Variants in HIVEP2 observed in about 807,000 individuals in gnomAD.
The protein encoded by HIVEP2 is transcription factor HIVEP2.
In HIVEP2, 14 loss-of-function variants were observed where a neutral mutation model predicts 180.7. The observed-to-expected ratio is 0.08, with a 90% confidence interval of 0.05 to 0.12. HIVEP2 has a LOEUF of 0.12. Ranked by LOEUF, HIVEP2 falls within the 10% of genes least tolerant of loss-of-function variation. The pLI, the probability that HIVEP2 is intolerant of heterozygous loss-of-function variation, is 1.00. For missense variants in HIVEP2, 2,579 were observed against 3,008.5 expected (o/e 0.86, Z 3.34); for synonymous variants, 1,184 against 1,136.4 (o/e 1.04, Z -0.84).
At chr6:142,801,272 A>G (rs931982810) in intron 2 of HIVEP2, among the ~76,000 whole-genome samples, 1 of 151,526 alleles carries the variant, frequency 6.6e-6, no homozygotes, top group Non-Finnish European at 1.5e-5. Context: ...AAAGAACACT[A>G]GATTAAGGCA....
intron 1 of HIVEP2, among the ~76,000 whole-genome samples, chr6:142,932,419 G>C (rs141616250): frequency 3.2e-4 from 48 of 152,212 alleles, no homozygotes; most frequent in African/African-American, 1.1e-3. Context: ...TTGGTAAGAG[G>C]CTGTCTTCTG....
At chr6:142,844,342 G>T (rs62430706) in intron 1 of HIVEP2, among the ~76,000 whole-genome samples, 33,200 of 151,822 alleles carry the variant, frequency 0.22, 4,428 homozygotes, top group Non-Finnish European at 0.31. Flanking sequence ...ATACTTGCAA[G>T]CTGCAAGAAG....
In HIVEP2 at chr6:142,805,569, G is replaced by GA. The variant is rs67351587; in HGVS notation, c.-527-21955dup. ...TTTCCAAGTAGGGCAGAGTTTTACAGAAAAAAAAAAAAATCTACTTTTCTT... is the reference window on the plus strand; with the variant it reads ...TTTCCAAGTAGGGCAGAGTTTTACAGAAAAAAAAAAAAAATCTACTTTTCTT... On this transcript the variant is annotated intron_variant, in intron 2 of 9. Transcript: ENST00000367603. Among the ~76,000 whole-genome samples, 217 of 147,088 alleles carry GA rather than the reference G, an allele frequency of 1.5e-3. 1 individual carries two copies. Among genetic ancestry groups the GA allele is most frequent in the African/African-American group, 4.4e-3 (176 of 39,580 alleles).
At position 142,943,049 on chromosome 6, in the gene HIVEP2, C is replaced by A. The variant is rs753476982; in HGVS notation, c.-641+2050G>T. Among the ~76,000 whole-genome samples the A allele has an allele frequency of 6.1e-4, 93 of 152,102 alleles. No individual in the cohort carries two copies. Among genetic ancestry groups the A allele is most frequent in the Non-Finnish European group, 1.2e-3 (79 of 68,004 alleles). On this transcript the variant is annotated intron_variant, in intron 1 of 9. Transcript: ENST00000367603. The surrounding 1 kb of genome is among the most constrained non-coding windows in gnomAD (Gnocchi z 4.5). ...TATCATTAAGTAAATACTGGTAAATCCCTTTCAGCTCACAATGCAAATGTA... is the reference window on the plus strand; with the variant it reads ...TATCATTAAGTAAATACTGGTAAATACCTTTCAGCTCACAATGCAAATGTA...
chr6:142,869,393 T>C (rs1267921152), intron 1 of HIVEP2, among the ~76,000 whole-genome samples: 1 of 152,182 alleles, frequency 6.6e-6, no homozygotes, highest in South Asian at 2.1e-4. Flanking sequence ...ATATATAGTA[T>C]CAACTATGTA....
In HIVEP2 at chr6:142,774,977, C is replaced by A; in HGVS notation, c.-239G>T. The A allele has an allele frequency of 7.8e-7, 1 of 1,275,610 alleles. No homozygotes were observed. Among genetic ancestry groups the A allele is most frequent in the Non-Finnish European group, 9.9e-7 (1 of 1,011,868 alleles). The allele number at this position is 1,275,610 out of a possible 1,614,324, so 79.0% of individuals were successfully genotyped here. On this transcript the variant is annotated 5_prime_UTR_variant, in exon 5 of 10. Coordinates refer to ENST00000367603, the MANE Select transcript of HIVEP2 (RefSeq NM_006734.4). The surrounding 1 kb of genome is among the most constrained non-coding windows in gnomAD (Gnocchi z 5.1). Reference sequence around the variant, plus strand: ...TTCTCTCCATTGTAGAAACGTCCATCCAAAAGCTAAGTGCAAATCTATAAA... The same window carrying A: ...TTCTCTCCATTGTAGAAACGTCCATACAAAAGCTAAGTGCAAATCTATAAA...
At chr6:142,921,312 G>A (rs1424891118) in intron 1 of HIVEP2, among the ~76,000 whole-genome samples, 1 of 152,222 alleles carries the variant, frequency 6.6e-6, no homozygotes, top group African/African-American at 2.4e-5. Flanking sequence ...GAGGCAGGCA[G>A]ATTGCTTGAG....
intron 1 of HIVEP2, among the ~76,000 whole-genome samples, chr6:142,905,819 G>A (rs574332651): frequency 6.6e-6 from 1 of 152,254 alleles, no homozygotes; most frequent in Non-Finnish European, 1.5e-5. Flanking sequence ...CTTGACAGTA[G>A]ACCAAGAAGC....
intron 2 of HIVEP2, among the ~76,000 whole-genome samples, chr6:142,784,301 AT>A (rs1023644787): frequency 6.6e-6 from 1 of 152,152 alleles, no homozygotes; most frequent in Admixed American, 6.5e-5. Flanking sequence ...TATATTTGTT[AT>A]TTTTTTAAAA....
chr6:142,813,646 C>T (rs1448952420), intron 2 of HIVEP2, among the ~76,000 whole-genome samples: 2 of 148,468 alleles, frequency 1.3e-5, no homozygotes, highest in East Asian at 4.0e-4. Flanking sequence ...ACAATTATGG[C>T]TCATTGCAGC....
intron 7 of HIVEP2, among the ~76,000 whole-genome samples, chr6:142,762,491 CACAT>C (rs775765428): frequency 0.011 from 927 of 85,238 alleles, 9 homozygotes; most frequent in African/African-American, 0.039. Flanking sequence ...CACACACACA[CACAT>C]ACATATAAAT....
intron 1 of HIVEP2, among the ~76,000 whole-genome samples, chr6:142,864,503 TA>T (rs1455633410): frequency 6.6e-6 from 1 of 152,120 alleles, no homozygotes. Context: ...CGAAAAATAA[TA>T]AATATTAATA....
chr6:142,936,810 T>C (rs2128440370), intron 1 of HIVEP2, among the ~76,000 whole-genome samples: 1 of 151,770 alleles, frequency 6.6e-6, no homozygotes, highest in Admixed American at 6.6e-5. Context: ...GAATGTAAAC[T>C]CCATGAAGGC....
intron 1 of HIVEP2, among the ~76,000 whole-genome samples, chr6:142,940,448 T>C (rs1176192592): frequency 6.6e-6 from 1 of 152,228 alleles, no homozygotes; most frequent in Non-Finnish European, 1.5e-5. Context: ...TTCAAGGTCC[T>C]ACCCCTCAAA....
chr6:142,773,878 T>G lies in HIVEP2; in HGVS notation c.861A>C (p.Leu287Phe). Residue 287 changes from leucine to phenylalanine, a missense_variant, in exon 5 of 10, where the codon TTA (leucine) becomes TTC (phenylalanine). Physicochemically the swap from Leu to Phe is conservative, Grantham distance 22. Transcript: ENST00000367603. ...TCATTTTGTCAGAAGCCTCGGCAAA[T>G]AAAGAACTCTCCTCATCTGTGTCTG... ...QSTDTDEESS[L>F]FAEASDKMSP... 1.9e-6 allele frequency: 3 copies of G among 1,613,688 alleles called. 1 individual carries two copies. Among genetic ancestry groups the G allele is most frequent in the Non-Finnish European group, 2.5e-6 (3 of 1,180,002 alleles).
intron 1 of HIVEP2, among the ~76,000 whole-genome samples, chr6:142,863,112 A>G (rs533224473): frequency 6.9e-4 from 101 of 146,166 alleles, no homozygotes; most frequent in South Asian, 6.1e-3. Context: ...AATATATTAC[A>G]TAATATATAA....
intron 2 of HIVEP2, among the ~76,000 whole-genome samples, chr6:142,788,728 CA>C (rs140261866): frequency 2.7e-5 from 1 of 37,532 alleles, no homozygotes; most frequent in Non-Finnish European, 8.9e-5. Flanking sequence ...ACAACAACAA[CA>C]AACAAACAAA....
At chr6:142,863,083 T>C (rs1364206074) in intron 1 of HIVEP2, among the ~76,000 whole-genome samples, 1 of 144,430 alleles carries the variant, frequency 6.9e-6, no homozygotes, top group Admixed American at 7.1e-5. Flanking sequence ...TTATATGTAA[T>C]ATATAATTAC....
intron 1 of HIVEP2, among the ~76,000 whole-genome samples, chr6:142,858,988 G>A (rs565779727): frequency 6.6e-6 from 1 of 152,084 alleles, no homozygotes; most frequent in African/African-American, 2.4e-5. Context: ...CCATAAACTC[G>A]TGGAGCTTGA....
Sources: gnomAD v4.1 joint callset for allele counts (sites outside exome capture counted in the v4.1 genomes callset) on GRCh38, gnomAD v4.1.1 for gene constraint, Gnocchi (gnomAD v3.1) non-coding constraint, MANE v1.5 for transcripts, NCBI Gene and HGNC (gene_info 2026-07-23, HGNC 2026-07-21) for gene names.